The following MIS18BP1 variants were observed in gnomAD, a reference collection of about 807,000 sequenced individuals.
MIS18BP1 encodes mis18-binding protein 1.
Under a neutral mutation model 116.1 loss-of-function variants are expected in MIS18BP1, and 72 were observed. The observed-to-expected ratio is 0.62, with a 90% CI of 0.51 to 0.75. The LOEUF (loss-of-function observed/expected upper bound fraction) is 0.75, where lower values mean the gene tolerates loss of function less well. Ranked by LOEUF, MIS18BP1 falls within the 30% of genes least tolerant of loss-of-function variation. MIS18BP1 has a pLI of 0.00. For missense variants in MIS18BP1, 1,363 were observed against 1,303.2 expected (o/e 1.05, Z -0.71); for synonymous variants, 386 against 427.0 (o/e 0.90, Z 1.18).
chr14:45,247,004 T>C lies in MIS18BP1; in HGVS notation c.283A>G (p.Ile95Val), dbSNP rs765433368. The stretch of plus-strand genomic sequence containing the variant: ...TTTAATCCATCCTTGTTGGGCTTTA[T>C]AGCACTGATATCAAGAGAACTGTTA... ...TSNSSLDISAIKPNKDGLKNK... is the reference protein window; with the variant it reads ...TSNSSLDISAVKPNKDGLKNK... The change falls in exon 2 of 17, where the codon ATA becomes GTA. Residue 95 changes from isoleucine (I) to valine (V), a missense_variant. By Grantham distance (29) the Ile-to-Val change is conservative. Transcript: ENST00000310806. 5 of 1,613,232 alleles carry C rather than the reference T, an allele frequency of 3.1e-6. No homozygotes were observed. The highest frequency in any genetic ancestry group is 4.2e-6 in the Non-Finnish European group (5 of 1,179,910).
At chr14:45,233,087 G>A (rs148856057) in intron 6 of MIS18BP1, among the ~76,000 whole-genome samples, 11 of 152,242 alleles carry the variant, frequency 7.2e-5, no homozygotes, top group Admixed American at 7.2e-4. Context: ...GTGGACAGGT[G>A]TATCGATATG....
chr14:45,204,940 G>A (rs1248928805), intron 15 of MIS18BP1, among the ~76,000 whole-genome samples: 1 of 151,982 alleles, frequency 6.6e-6, no homozygotes. Flanking sequence ...ACAGTACAAT[G>A]TTTTATACCA....
At chr14:45,210,888 G>T (rs954436100) in intron 13 of MIS18BP1, among the ~76,000 whole-genome samples, 1 of 152,126 alleles carries the variant, frequency 6.6e-6, no homozygotes, top group East Asian at 1.9e-4. Context: ...GGGTCTGGGG[G>T]GATAACAGTG....
At chr14:45,243,602 G>C (rs1257853845) in intron 2 of MIS18BP1, among the ~76,000 whole-genome samples, 1 of 151,950 alleles carries the variant, frequency 6.6e-6, no homozygotes, top group African/African-American at 2.4e-5. Flanking sequence ...TTTTATACTT[G>C]AAAAAACTGG....
chr14:45,244,139 A>C (rs1457512446), intron 2 of MIS18BP1, among the ~76,000 whole-genome samples: 3 of 152,132 alleles, frequency 2.0e-5, no homozygotes, highest in Non-Finnish European at 4.4e-5. Flanking sequence ...AGTGGTTAAG[A>C]ACATGGGCTT....
At position 45,247,075 on chromosome 14, in the gene MIS18BP1, T is replaced by A; in HGVS notation, c.212A>T (p.Asn71Ile). 1 of 1,612,488 alleles carries A rather than the reference T, an allele frequency of 6.2e-7. No homozygotes were observed. The highest frequency in any genetic ancestry group is 8.5e-7 in the Non-Finnish European group (1 of 1,179,562). Residue 71 changes from asparagine to isoleucine, a missense_variant, in exon 2 of 17, where the codon AAT (asparagine) becomes ATT (isoleucine). By Grantham distance (149) the Asn-to-Ile change is moderately radical (BLOSUM62 -3). Coordinates refer to ENST00000310806, the MANE Select transcript of MIS18BP1 (RefSeq NM_018353.5). ...NQFLKMTTFN[N>I]KNIFQSTMLT... ...CATAGTTGATTGAAATATATTTTTA[T>A]TGTTAAAAGTTGTCATTTTTAGGAA...
At chr14:45,225,475 A>C (rs1350563863) in intron 10 of MIS18BP1, among the ~76,000 whole-genome samples, 1 of 152,144 alleles carries the variant, frequency 6.6e-6, no homozygotes, top group Non-Finnish European at 1.5e-5. Context: ...CCTGGAGGTA[A>C]AATATTCAGA....
chr14:45,217,143 T>C lies in MIS18BP1; in HGVS notation c.2879A>G (p.Lys960Arg). ...RGDADQKQTI[K>R]ITAKVGTLKR... Reference sequence around the variant, plus strand: ...AAGAGTTCCCACTTTGGCAGTTATCTTAATAGTTTGTTTCTGATCAGCATC... The same window carrying C: ...AAGAGTTCCCACTTTGGCAGTTATCCTAATAGTTTGTTTCTGATCAGCATC... Residue 960 changes from lysine to arginine, a missense_variant, in exon 13 of 17, where the codon AAG (lysine) becomes AGG (arginine). Lys to Arg is a conservative substitution (Grantham distance 26). Transcript: ENST00000310806. The C allele has an allele frequency of 6.2e-7, 1 of 1,614,146 alleles. No individual in the cohort carries two copies. Among genetic ancestry groups the C allele is most frequent in the Non-Finnish European group, 8.5e-7 (1 of 1,180,002 alleles).
chr14:45,241,055 T>A (rs1461561853), intron 4 of MIS18BP1, among the ~76,000 whole-genome samples: 1 of 152,230 alleles, frequency 6.6e-6, no homozygotes, highest in African/African-American at 2.4e-5. Flanking sequence ...GTGGGAGGAT[T>A]GCTTGAGCCC....
intron 1 of MIS18BP1, among the ~76,000 whole-genome samples, chr14:45,250,683 T>C (rs1035665457): frequency 6.6e-6 from 1 of 152,184 alleles, no homozygotes; most frequent in Non-Finnish European, 1.5e-5. Context: ...GGAAAAAAAA[T>C]TGTTTTCAAC....
intron 11 of MIS18BP1, among the ~76,000 whole-genome samples, chr14:45,223,228 T>C (rs144980808): frequency 7.6e-4 from 116 of 152,312 alleles, no homozygotes; most frequent in African/African-American, 2.4e-3. Flanking sequence ...CAGTGCCCAC[T>C]TCTAGGTTTC....
intron 4 of MIS18BP1, among the ~76,000 whole-genome samples, chr14:45,238,654 A>G (rs1594522753): frequency 6.6e-6 from 1 of 152,062 alleles, no homozygotes; most frequent in East Asian, 1.9e-4. Flanking sequence ...ACATAGTAAG[A>G]TTCCAAAAAA....
Position 45,227,562 on chromosome 14 carries a change from A to C in MIS18BP1, c.1746+101T>G, listed in dbSNP as rs570763070. The C allele has an allele frequency of 3.9e-5, 41 of 1,059,860 alleles. No individual in the cohort carries two copies. In the Admixed American group the frequency reaches 6.1e-4, roughly 16 times the overall value. 65.7% of individuals were successfully genotyped at this position (1,059,860 alleles called of 1,614,324 possible). ...TCCATCTCAAAAGAAAAAAAAAAAA[A>C]AAACAGAACTCACGTCCCTGATATG... On this transcript the variant is annotated intron_variant, in intron 9 of 16. Transcript: ENST00000310806.
chr14:45,227,670 G>A lies in MIS18BP1; in HGVS notation c.1739C>T (p.Ser580Phe), dbSNP rs778474485. 2 of 1,612,168 alleles carry A rather than the reference G, an allele frequency of 1.2e-6. No individual in the cohort carries two copies. The highest frequency in any genetic ancestry group is 4.5e-5 in the East Asian group (2 of 44,850). ...TIQNGGGDDL[S>F]NQELIGKKEY... is the part of the protein sequence containing the mutation. ...TGTACAATAAAGCCTTACCTGATTA[G>A]ATAAGTCATCTCCTCCTCCATTTTG... The change falls in exon 9 of 17, where the codon TCT becomes TTT. Residue 580 changes from serine to phenylalanine, a missense_variant. Physicochemically the swap from Ser to Phe is radical, Grantham distance 155. Coordinates refer to ENST00000310806, the MANE Select transcript of MIS18BP1 (RefSeq NM_018353.5).
chr14:45,247,931 G>A (rs1474002935), intron 1 of MIS18BP1, among the ~76,000 whole-genome samples: 1 of 150,626 alleles, frequency 6.6e-6, no homozygotes, highest in African/African-American at 2.4e-5. Flanking sequence ...TAAGGTCTTA[G>A]TTGAAAAATC....
At position 45,227,682 on chromosome 14, in the gene MIS18BP1, C is replaced by A. The variant is rs1210933180; in HGVS notation, c.1727G>T (p.Gly576Val). 1 of 1,613,158 alleles carries A rather than the reference C, an allele frequency of 6.2e-7. No individual in the cohort carries two copies. Among genetic ancestry groups the A allele is most frequent in the Non-Finnish European group, 8.5e-7 (1 of 1,179,302 alleles). The change falls in exon 9 of 17, where the codon GGA becomes GTA. Residue 576 changes from glycine (G) to valine (V), a missense_variant. By Grantham distance (109) the Gly-to-Val change is moderately radical. Transcript: ENST00000310806. ...CCTTACCTGATTAGATAAGTCATCTCCTCCTCCATTTTGAATAGTATTATT... is the reference window on the plus strand; with the variant it reads ...CCTTACCTGATTAGATAAGTCATCTACTCCTCCATTTTGAATAGTATTATT... ...QVNNTIQNGGGDDLSNQELIG... is the reference protein window; with the variant it reads ...QVNNTIQNGGVDDLSNQELIG...
At position 45,218,546 on chromosome 14, in the gene MIS18BP1, T is replaced by C. The variant is rs1890886309; in HGVS notation, c.2670-92A>G. On this transcript the variant is annotated intron_variant, in intron 11 of 16. Transcript: ENST00000310806. ...ATAACACTGAATTGATGAGATTTAC[T>C]GAGATGAAGGAATCAGTTTTATCAA... is the stretch of plus-strand genomic sequence containing the variant. 7 of 1,159,184 alleles carry C rather than the reference T, an allele frequency of 6.0e-6. No homozygotes were observed. The East Asian group carries it at 1.3e-4, about 22-fold the overall frequency. The allele number at this position is 1,159,184 out of a possible 1,614,324, so 71.8% of individuals were successfully genotyped here. A position where few individuals can be genotyped will look rare whatever the true frequency, so the allele number is the denominator to read the frequency against.
intron 9 of MIS18BP1, among the ~76,000 whole-genome samples, 158 bp from the exon 10 acceptor site, chr14:45,226,994 T>A (rs551107323): frequency 1.6e-4 from 24 of 152,334 alleles, no homozygotes; most frequent in South Asian, 1.0e-3. Flanking sequence ...TTGCCAGACC[T>A]TGAGCACTAC....
At chr14:45,218,203 A>C in intron 12 of MIS18BP1, 79 bp downstream of exon 12, 1 of 1,383,964 alleles carries the variant, frequency 7.2e-7, no homozygotes, top group Non-Finnish European at 9.9e-7. Context: ...TTCATGGATA[A>C]ATATAAAATA....
Sources: allele counts gnomAD v4.1 joint callset (sites outside exome capture counted in the v4.1 genomes callset), GRCh38; gene constraint gnomAD v4.1.1; transcripts MANE v1.5; gene names NCBI Gene and HGNC (gene_info 2026-07-23, HGNC 2026-07-21).